The following SUSD3 variants were observed in gnomAD, a reference collection of about 807,000 sequenced individuals.
SUSD3 encodes sushi domain-containing protein 3.
In SUSD3, 18 loss-of-function variants were observed where a neutral mutation model predicts 20.6. The ratio of observed to expected loss-of-function variants is 0.87; its 90% confidence interval spans 0.60 to 1.30. The LOEUF (loss-of-function observed/expected upper bound fraction) is 1.30, where lower values mean the gene tolerates loss of function less well. SUSD3 is among the 50% of genes most tolerant of loss of function. The pLI, the probability that SUSD3 is intolerant of heterozygous loss-of-function variation, is 0.00. For synonymous variants in SUSD3, 137 were observed against 141.5 expected, an observed-to-expected ratio of 0.97 and a Z score of 0.23; for missense variants, 306 against 346.9, an observed-to-expected ratio of 0.88 and a Z score of 0.94.
At chr9:93,067,309 G>A (rs1201682205) in intron 1 of SUSD3, among the ~76,000 whole-genome samples, 1 of 152,182 alleles carries the variant, frequency 6.6e-6, no homozygotes, top group Admixed American at 6.5e-5. Context: ...ACCACATTTT[G>A]TTTATTCACT....
intron 4 of SUSD3, among the ~76,000 whole-genome samples, chr9:93,079,970 A>G (rs1226835804): frequency 6.6e-6 from 1 of 152,074 alleles, no homozygotes; most frequent in Non-Finnish European, 1.5e-5. Context: ...CTCTCTCTTA[A>G]TACACACATA....
intron 1 of SUSD3, among the ~76,000 whole-genome samples, chr9:93,066,517 C>T (rs995265113): frequency 6.6e-6 from 1 of 152,184 alleles, no homozygotes; most frequent in Non-Finnish European, 1.5e-5. Flanking sequence ...CAGGTATGAG[C>T]CACCGTGCTC....
intron 4 of SUSD3, 88 bp from the exon 5 acceptor site, chr9:93,084,449 G>A: frequency 7.9e-7 from 1 of 1,270,360 alleles, no homozygotes; most frequent in Non-Finnish European, 1.1e-6. Context: ...CAGGCCCACT[G>A]GAGGGCCTGG....
At chr9:93,067,655 T>A (rs1825768703) in intron 1 of SUSD3, among the ~76,000 whole-genome samples, 1 of 151,810 alleles carries the variant, frequency 6.6e-6, no homozygotes, top group Non-Finnish European at 1.5e-5. Context: ...TGGAGTGCGG[T>A]AGCCTGATCT....
intron 1 of SUSD3, among the ~76,000 whole-genome samples, chr9:93,070,295 G>A (rs1430123441): frequency 6.6e-6 from 1 of 152,174 alleles, no homozygotes; most frequent in Non-Finnish European, 1.5e-5. Flanking sequence ...AGCCTTATCT[G>A]TAATAATACA....
intron 1 of SUSD3, 34 bp from the exon 2 acceptor site, chr9:93,075,750 C>CCCCCCCCCCCCCCCCCCCCCCCCCCCCT: frequency 4.3e-6 from 1 of 230,194 alleles, no homozygotes; most frequent in South Asian, 4.5e-5. Flanking sequence ...ACCCCCCCCC[C>CCCCCCCCCCCCCCCCCCCCCCCCCCCCT]CCCGCCATGC....
At position 93,058,785 on chromosome 9, in the gene SUSD3, C is replaced by G; in HGVS notation, c.43C>G (p.Arg15Gly). The change falls in exon 1 of 5, where the codon CGG becomes GGG. Residue 15 changes from arginine to glycine, a missense_variant. Physicochemically the swap from Arg to Gly is moderately radical, Grantham distance 125. Coordinates refer to ENST00000375472, the MANE Select transcript of SUSD3 (RefSeq NM_145006.4). Reference sequence around the variant, plus strand: ...CACCCTCCGTGGCAAGGCGAGGCCCCGGGGGCGGGCCGGGGTCACCACGCC... The same window carrying G: ...CACCCTCCGTGGCAAGGCGAGGCCCGGGGGGCGGGCCGGGGTCACCACGCC... ...AATLRGKARPRGRAGVTTPAP... is the reference protein window; with the variant it reads ...AATLRGKARPGGRAGVTTPAP... 1.6e-6 allele frequency: 2 copies of G among 1,240,512 alleles called. No homozygotes were observed. Among genetic ancestry groups the G allele is most frequent in the Non-Finnish European group, 2.0e-6 (2 of 992,240 alleles). The allele number at this position is 1,240,512 out of a possible 1,614,324, so 76.8% of individuals were successfully genotyped here.
At chr9:93,081,564 C>T (rs188049848) in intron 4 of SUSD3, among the ~76,000 whole-genome samples, 40 of 152,250 alleles carry the variant, frequency 2.6e-4, no homozygotes, top group Middle Eastern at 3.4e-3. Context: ...GTCGTTGCCA[C>T]TCTTACGACC....
intron 1 of SUSD3, among the ~76,000 whole-genome samples, chr9:93,067,202 T>C (rs1266324167): frequency 1.3e-5 from 2 of 152,214 alleles, no homozygotes; most frequent in Non-Finnish European, 1.5e-5. Context: ...CTGACTTCTT[T>C]CACTTAACAC....
intron 2 of SUSD3, among the ~76,000 whole-genome samples, 165 bp from the exon 3 acceptor site, chr9:93,077,681 C>G (rs1826221937): frequency 6.6e-6 from 1 of 152,150 alleles, no homozygotes; most frequent in African/African-American, 2.4e-5. Flanking sequence ...GCCTCAGCCC[C>G]CAGCACCTCA....
rs529915275 is a variant in SUSD3, at chr9:93,077,906, G to T, written c.338G>T (p.Cys113Phe). ...GCCGTGATCGCCTCCATTGTGAGCT[G>T]TGCCATCATCCTGCTCATGTCCATG... ...KVAVIASIVS[C>F]AIILLMSMAF... Residue 113 changes from cysteine to phenylalanine, a missense_variant, in exon 3 of 5, where the codon TGT becomes TTT. Coordinates refer to ENST00000375472, the MANE Select transcript of SUSD3 (RefSeq NM_145006.4). 10 of 1,614,210 alleles carry T rather than the reference G, an allele frequency of 6.2e-6. No individual in the cohort carries two copies. The highest frequency in any genetic ancestry group is 1.7e-5 in the Admixed American group (1 of 60,030).
chr9:93,063,180 C>T (rs1825574413), intron 1 of SUSD3, among the ~76,000 whole-genome samples: 1 of 152,188 alleles, frequency 6.6e-6, no homozygotes, highest in Non-Finnish European at 1.5e-5. Flanking sequence ...CTGTATGCTG[C>T]AGACCTTGGG....
intron 1 of SUSD3, among the ~76,000 whole-genome samples, chr9:93,062,934 A>T (rs1010200737): frequency 1.3e-5 from 2 of 152,076 alleles, no homozygotes; most frequent in Admixed American, 1.3e-4. Context: ...AATCCTACGG[A>T]ATCCTGGCTG....
chr9:93,066,225 T>C (rs1275584739), intron 1 of SUSD3, among the ~76,000 whole-genome samples: 1 of 152,192 alleles, frequency 6.6e-6, no homozygotes, highest in African/African-American at 2.4e-5. Context: ...GCAAAAAAAG[T>C]ATCTTCAGTT....
intron 3 of SUSD3, among the ~76,000 whole-genome samples, chr9:93,079,068 C>T (rs1398239242): frequency 2.0e-5 from 3 of 152,170 alleles, no homozygotes; most frequent in Non-Finnish European, 1.5e-5. Context: ...TCCCAAAGTG[C>T]TGGGATTACA....
chr9:93,076,907 C>T (rs1260184394), intron 2 of SUSD3, among the ~76,000 whole-genome samples: 1 of 152,194 alleles, frequency 6.6e-6, no homozygotes, highest in Non-Finnish European at 1.5e-5. Context: ...GGTGAGGGGC[C>T]CTGGGGCCAA....
intron 1 of SUSD3, among the ~76,000 whole-genome samples, chr9:93,074,816 T>C (rs1326283797): frequency 6.6e-6 from 1 of 151,998 alleles, no homozygotes; most frequent in Non-Finnish European, 1.5e-5. Context: ...GGTTTCACCA[T>C]GTTGGCCAGG....
intron 1 of SUSD3, among the ~76,000 whole-genome samples, chr9:93,073,289 C>T (rs1825985301): frequency 6.6e-6 from 1 of 150,862 alleles, no homozygotes. Context: ...CTCTGTCGCC[C>T]AGGCTGGAGT....
intron 4 of SUSD3, among the ~76,000 whole-genome samples, chr9:93,081,511 C>T (rs967703811): frequency 1.3e-5 from 2 of 152,134 alleles, no homozygotes; most frequent in African/African-American, 4.8e-5. Context: ...GTGCCTCTCT[C>T]GCCAGGCCCA....
Sources: allele counts gnomAD v4.1 joint callset (sites outside exome capture counted in the v4.1 genomes callset), GRCh38; gene constraint gnomAD v4.1.1; transcripts MANE v1.5; gene names NCBI Gene and HGNC (gene_info 2026-07-23, HGNC 2026-07-21).